The following PARD3B variants were observed in gnomAD, a reference collection of about 807,000 sequenced individuals.
The protein encoded by PARD3B is par-3 family cell polarity regulator beta.
A neutral mutation model predicts 130.2 loss-of-function variants in PARD3B; 103 were observed. That is an observed-to-expected ratio of 0.79 (90% confidence interval 0.67 to 0.93). PARD3B has a LOEUF of 0.93. Among genes scored for constraint, PARD3B ranks in the 40% least tolerant of loss-of-function variants. The pLI is 0.00. For missense variants in PARD3B, 1,609 were observed against 1,499.2 expected (o/e 1.07, Z -1.21); for synonymous variants, 583 against 553.2 (o/e 1.05, Z -0.76).
chr2:205,484,803 C>G, intron 20 of PARD3B, among the ~76,000 whole-genome samples: 1 of 152,130 alleles, frequency 6.6e-6, no homozygotes, highest in East Asian at 1.9e-4. Context: ...CATGACTTCA[C>G]CATGATGGGT....
At chr2:204,985,817 TTAGC>T (rs1402507729) in intron 3 of PARD3B, among the ~76,000 whole-genome samples, 1 of 152,016 alleles carries the variant, frequency 6.6e-6, no homozygotes, top group African/African-American at 2.4e-5. Flanking sequence ...TGAAAAAGGC[TTAGC>T]TAGGCGTGGT....
chr2:205,058,273 G>C (rs991194607), intron 4 of PARD3B, among the ~76,000 whole-genome samples: 1 of 151,710 alleles, frequency 6.6e-6, no homozygotes, highest in African/African-American at 2.4e-5. Flanking sequence ...TTCCTTCCTT[G>C]TTAAGGTTGA....
At chr2:204,715,747 A>G (rs1250780553) in intron 2 of PARD3B, among the ~76,000 whole-genome samples, 1 of 152,118 alleles carries the variant, frequency 6.6e-6, no homozygotes, top group East Asian at 1.9e-4. Context: ...GACCTTTCAC[A>G]TATGCTTCTT....
At chr2:205,150,255 A>ACGCGCG (rs1478478338) in intron 10 of PARD3B, among the ~76,000 whole-genome samples, 1 of 142,226 alleles carries the variant, frequency 7.0e-6, no homozygotes, top group African/African-American at 2.6e-5. Context: ...GTGTGTGTGC[A>ACGCGCG]CACACGCTTG....
chr2:204,838,688 T>A (rs1039029903), intron 2 of PARD3B, among the ~76,000 whole-genome samples: 1 of 152,138 alleles, frequency 6.6e-6, no homozygotes, highest in African/African-American at 2.4e-5. Context: ...AAATGTATAT[T>A]TCACATAGCT....
chr2:204,819,029 TG>T (rs1035864809), intron 2 of PARD3B, among the ~76,000 whole-genome samples: 1 of 152,190 alleles, frequency 6.6e-6, no homozygotes, highest in African/African-American at 2.4e-5. Context: ...GACATCAGCA[TG>T]AACTCATGTT....
At chr2:205,524,138 G>A (rs917842619) in intron 21 of PARD3B, among the ~76,000 whole-genome samples, 6 of 151,904 alleles carry the variant, frequency 3.9e-5, no homozygotes, top group African/African-American at 1.5e-4. Flanking sequence ...CTTTATTCAC[G>A]ATATTCCAAT....
intron 2 of PARD3B, among the ~76,000 whole-genome samples, chr2:204,826,806 G>T (rs929453319): frequency 6.6e-6 from 1 of 152,066 alleles, no homozygotes; most frequent in Non-Finnish European, 1.5e-5. Flanking sequence ...GATGGCTTGA[G>T]GCCAAGAGTG....
chr2:205,316,021 GT>G (rs146172404), intron 18 of PARD3B, among the ~76,000 whole-genome samples: 2,456 of 152,088 alleles, frequency 0.016, 61 homozygotes, highest in African/African-American at 0.057. Context: ...CCTCTGCAAT[GT>G]TTTTCTCTGT....
At position 205,615,458 on chromosome 2, in the gene PARD3B, G is replaced by A. The variant is rs747518442; in HGVS notation, c.3263G>A (p.Gly1088Glu). 30 of 1,589,214 alleles carry A rather than the reference G, an allele frequency of 1.9e-5. No individual in the cohort carries two copies. The highest frequency in any genetic ancestry group is 2.6e-5 in the Non-Finnish European group (30 of 1,167,558). The stretch of plus-strand genomic sequence containing the variant: ...TGTGTCTCTTCTTCTCTTTCCAGGG[G>A]AGGACCCGCAGATCCTGTAGACTAT... ...MERQYASLPR[G>E]GPADPVDYLP... Residue 1088 changes from glycine to glutamate, a missense_variant and splice_region_variant, in exon 23 of 23, where the codon GGA (glycine) becomes GAA (glutamate). Transcript: ENST00000406610.
At chr2:205,434,948 G>A (rs2047460387) in intron 19 of PARD3B, among the ~76,000 whole-genome samples, 1 of 152,050 alleles carries the variant, frequency 6.6e-6, no homozygotes, top group African/African-American at 2.4e-5. Context: ...GAAACTACCT[G>A]TTGAGTATTA....
chr2:205,373,612 A>G (rs1169683633), intron 18 of PARD3B, among the ~76,000 whole-genome samples: 1 of 152,252 alleles, frequency 6.6e-6, no homozygotes, highest in Non-Finnish European at 1.5e-5. Flanking sequence ...AAGGTATATC[A>G]AAAATGAATA....
chr2:204,820,032 C>G (rs1252534768), intron 2 of PARD3B, among the ~76,000 whole-genome samples: 1 of 147,950 alleles, frequency 6.8e-6, no homozygotes, highest in Non-Finnish European at 1.5e-5. Context: ...CAAGATCTAC[C>G]TAAAATAATA....
In PARD3B at chr2:205,142,753, C is replaced by T. The variant is rs1391218244; in HGVS notation, c.1435-15969C>T. ...ATTAGCCAGGCGTGGTGGTGCGTGCCTGTAATCCCAGCTACTCAGGAAGCT... is the reference window on the plus strand; with the variant it reads ...ATTAGCCAGGCGTGGTGGTGCGTGCTTGTAATCCCAGCTACTCAGGAAGCT... On this transcript the variant is annotated intron_variant, in intron 10 of 22. Transcript: ENST00000406610. The surrounding 1 kb of genome is among the most constrained non-coding windows in gnomAD (Gnocchi z 4.3). Among the ~76,000 whole-genome samples, 2 of 152,050 alleles carry T rather than the reference C, an allele frequency of 1.3e-5. No individual in the cohort carries two copies. Among genetic ancestry groups the T allele is most frequent in the Middle Eastern group, 3.2e-3 (1 of 316 alleles).
At chr2:204,848,816 G>C (rs1025734877) in intron 2 of PARD3B, among the ~76,000 whole-genome samples, 3 of 151,852 alleles carry the variant, frequency 2.0e-5, no homozygotes, top group Admixed American at 6.6e-5. Context: ...ACCATCTATA[G>C]CTTATTTATA....
At chr2:205,571,307 G>A (rs937421262) in intron 22 of PARD3B, among the ~76,000 whole-genome samples, 8 of 152,216 alleles carry the variant, frequency 5.3e-5, no homozygotes, top group Admixed American at 4.6e-4. Context: ...CTCTGCATGT[G>A]AAATTTTTTT....
chr2:204,651,636 T>A (rs891588680), intron 1 of PARD3B, among the ~76,000 whole-genome samples: 3 of 152,164 alleles, frequency 2.0e-5, no homozygotes, highest in Admixed American at 2.0e-4. Context: ...GGTGGCCCTT[T>A]TCTCATAGCT....
chr2:205,408,020 A>T (rs899465658), intron 19 of PARD3B, among the ~76,000 whole-genome samples: 4 of 152,196 alleles, frequency 2.6e-5, no homozygotes, highest in Non-Finnish European at 5.9e-5. Context: ...GTATGAAAAC[A>T]TATGGCTCTT....
At chr2:204,938,906 C>A (rs1488824248) in intron 2 of PARD3B, among the ~76,000 whole-genome samples, 1 of 152,148 alleles carries the variant, frequency 6.6e-6, no homozygotes, top group African/African-American at 2.4e-5. Context: ...AGTGAACTCA[C>A]AGAGAGTAAA....
Sources: allele counts gnomAD v4.1 joint callset (sites outside exome capture counted in the v4.1 genomes callset), GRCh38; gene constraint gnomAD v4.1.1; non-coding constraint Gnocchi (gnomAD v3.1); transcripts MANE v1.5; gene names NCBI Gene and HGNC (gene_info 2026-07-23, HGNC 2026-07-21).